PCLAF: variants seen among roughly 807,000 people sequenced by gnomAD.
PCLAF encodes PCNA-associated factor.
A neutral mutation model predicts 15.1 loss-of-function variants in PCLAF; 12 were observed. The ratio of observed to expected loss-of-function variants is 0.79; its 90% CI spans 0.51 to 1.29. PCLAF has a LOEUF of 1.29. Ranked by LOEUF, PCLAF falls within the 50% of genes most tolerant of loss-of-function variation. The pLI is 0.00. For synonymous variants in PCLAF, 33 were observed against 47.1 expected (o/e 0.70, Z 1.22); for missense variants, 116 against 130.9 (o/e 0.89, Z 0.56).
At chr15:64,377,491 ATATATATATATATATATATATATATATAT>A (rs1899655507) in intron 2 of PCLAF, among the ~76,000 whole-genome samples, 1 of 18,398 alleles carries the variant, frequency 5.4e-5, no homozygotes, top group Non-Finnish European at 1.0e-4. Flanking sequence ...AAAAAAAAAT[ATATATATATATATATATATATATATATAT>A]ATATATATAT....
exon 1 of PCLAF, chr15:64,387,507 G>C: frequency 7.7e-7 from 1 of 1,299,980 alleles, no homozygotes; most frequent in Middle Eastern, 2.1e-4. Context: ...CGATTAAAAA[G>C]CTGGCCTCTC....
Position 64,387,391 on chromosome 15 carries a change from AAATAAATTAATT to A in PCLAF, n.241+44_241+55del. 7.9e-6 allele frequency: 8 copies of A among 1,007,802 alleles called. 1 individual carries two copies. The South Asian group carries it at 1.6e-4, about 20-fold the overall frequency. 62.4% of individuals were successfully genotyped at this position (1,007,802 alleles called of 1,614,324 possible). A position where few individuals can be genotyped will look rare whatever the true frequency, so the allele number is the denominator to read the frequency against. On this transcript the variant is annotated intron_variant and non_coding_transcript_variant, in intron 1 of 1. Transcript: ENST00000558250. Reference sequence around the variant, plus strand: ...TGCGAGACTCCGTCTCAAAATAAATAAATAAATTAATTAATTAATTAAAAAATTAAAACCACC... The same window carrying A: ...TGCGAGACTCCGTCTCAAAATAAATAAATTAATTAAAAAATTAAAACCACC...
intron 3 of PCLAF, chr15:64,373,519 G>T: frequency 1.9e-6 from 2 of 1,078,924 alleles, no homozygotes; most frequent in Non-Finnish European, 2.4e-6. Flanking sequence ...GATGTAGAAG[G>T]GCAAGCAAGA....
chr15:64,376,161 G>A (rs748116817), intron 3 of PCLAF, among the ~76,000 whole-genome samples: 13 of 152,042 alleles, frequency 8.6e-5, no homozygotes, highest in Non-Finnish European at 1.6e-4. Context: ...GGAGGCGGAG[G>A]TTGCAGTGAG....
intron 2 of PCLAF, 120 bp from the exon 3 acceptor site, chr15:64,377,025 G>A: frequency 1.4e-6 from 1 of 728,498 alleles, no homozygotes; most frequent in Non-Finnish European, 2.2e-6. Flanking sequence ...CTTTATTTAA[G>A]ATATACAACT....
At chr15:64,385,748 A>T (rs947865504), upstream of PCLAF, among the ~76,000 whole-genome samples, 13 of 152,124 alleles carry the variant, frequency 8.5e-5, no homozygotes, top group Admixed American at 2.6e-4. Flanking sequence ...CAGTGGACTG[A>T]GTGGGGCAGA....
Position 64,376,903 on chromosome 15 carries a change from C to A in PCLAF, c.130G>T (p.Glu44Ter). The A allele has an allele frequency of 6.8e-6, 11 of 1,612,904 alleles. No individual in the cohort carries two copies. The highest frequency in any genetic ancestry group is 9.3e-6 in the Non-Finnish European group (11 of 1,179,462). Residue 44 changes from glutamate (E) to a stop codon, truncating the protein, a stop_gained and splice_region_variant, in exon 3 of 4, where the codon GAA (glutamate) becomes TAA (stop). Transcript: ENST00000300035. LOFTEE classifies it high-confidence loss of function. ...GGGTTCCCTCCTGCATATTTATTTT[C>A]AGCTGTAAAATATAAACAGATGGAA... ...NSTSVSSRKAENKYAGGNPVC... is the reference protein window; with the variant it reads ...NSTSVSSRKA
rs1898972128 is a variant in PCLAF at position 64,364,992 on chromosome 15, A to AAT, written c.*1036_*1037dup. The AAT allele has an allele frequency of 1.1e-5, 1 of 91,814 alleles. No individual in the cohort carries two copies. Among genetic ancestry groups the AAT allele is most frequent in the African/African-American group, 3.8e-5 (1 of 26,034 alleles). 5.7% of individuals were successfully genotyped at this position (91,814 alleles called of 1,614,324 possible). A position where few individuals can be genotyped will look rare whatever the true frequency, so the allele number is the denominator to read the frequency against. On this transcript the variant is annotated 3_prime_UTR_variant, in exon 4 of 4. Transcript: ENST00000300035. ...AGCCACTGCACTCAGCCTTTTTTAA[A>AAT]ATTTTTTTTTTTTTTTTTTTTGAGA...
chr15:64,384,098 C>T (rs1182983143), upstream of PCLAF, among the ~76,000 whole-genome samples: 5 of 152,230 alleles, frequency 3.3e-5, no homozygotes, highest in African/African-American at 1.2e-4. Flanking sequence ...AGAAAAGTTA[C>T]AGTATGTATC....
At chr15:64,373,587 C>T in intron 3 of PCLAF, 7 of 1,446,404 alleles carry the variant, frequency 4.8e-6, no homozygotes, top group South Asian at 1.5e-5. Context: ...GTGGTTTCGG[C>T]TGCAGTAGCT....
Position 64,381,437 on chromosome 15 carries a change from C to G in PCLAF, c.-66G>C, listed in dbSNP as rs898351044. On this transcript the variant is annotated 5_prime_UTR_variant, in exon 1 of 4. Transcript: ENST00000300035. ...TCCCAGCCGAGGGTGTTTCACTGGA[C>G]AAGGACCCGAAAACTATCCCGCCAC... The G allele has an allele frequency of 3.1e-6, 5 of 1,611,886 alleles. No individual in the cohort carries two copies. Among genetic ancestry groups the G allele is most frequent in the Non-Finnish European group, 4.2e-6 (5 of 1,178,764 alleles).
intron 3 of PCLAF, among the ~76,000 whole-genome samples, chr15:64,370,829 GT>G (rs10607183): frequency 0.042 from 3,596 of 85,712 alleles, 65 homozygotes; most frequent in Non-Finnish European, 0.053. Flanking sequence ...TCATAAAGTT[GT>G]TTTTTTTTTT....
At chr15:64,382,221 C>T (rs2140535066), upstream of PCLAF, among the ~76,000 whole-genome samples, 1 of 151,878 alleles carries the variant, frequency 6.6e-6, no homozygotes, top group Admixed American at 6.6e-5. Flanking sequence ...TGAAACCCGT[C>T]TCTACAAAAA....
chr15:64,366,028 T>G lies in PCLAF; in HGVS notation c.*2A>C. On this transcript the variant is annotated 3_prime_UTR_variant, in exon 4 of 4. Coordinates refer to ENST00000300035, the MANE Select transcript of PCLAF (RefSeq NM_014736.6). ...CGTTATTCAAAGATGAATGAGAAAG[T>G]TCTATTCTTTTTCATCATTTGTGTG... The G allele has an allele frequency of 6.2e-7, 1 of 1,607,226 alleles. No homozygotes were observed. The highest frequency in any genetic ancestry group is 1.1e-5 in the South Asian group (1 of 90,368).
chr15:64,376,373 TATTA>T (rs963958706), intron 3 of PCLAF, among the ~76,000 whole-genome samples: 8 of 152,282 alleles, frequency 5.3e-5, no homozygotes, highest in East Asian at 1.9e-4. Context: ...ATATTTTCTT[TATTA>T]ATTAATTAAT....
chr15:64,377,012 AATCTTTATTT>A, intron 2 of PCLAF, 107 bp from the exon 3 acceptor site: 1 of 840,642 alleles, frequency 1.2e-6, no homozygotes, highest in Non-Finnish European at 1.8e-6. Context: ...GGTATTAAAT[AATCTTTATTT>A]AAGATATACA....
chr15:64,384,903 C>A (rs1039419815), upstream of PCLAF, among the ~76,000 whole-genome samples: 1 of 151,848 alleles, frequency 6.6e-6, no homozygotes, highest in African/African-American at 2.4e-5. Context: ...GAAAAGAATG[C>A]CTTTTTCTTT....
rs575819041 is a variant in PCLAF, at chr15:64,381,204, C to A, written c.46+122G>T. ...TCTAGGTAAAGGGGCCAGGCGGCTACTCCCTGGCTAGCTAGATGAGTTTGG... is the reference window on the plus strand; with the variant it reads ...TCTAGGTAAAGGGGCCAGGCGGCTAATCCCTGGCTAGCTAGATGAGTTTGG... On this transcript the variant is annotated intron_variant, in intron 1 of 3. Coordinates refer to ENST00000300035, the MANE Select transcript of PCLAF (RefSeq NM_014736.6). 5 of 1,304,084 alleles carry A rather than the reference C, an allele frequency of 3.8e-6. No individual in the cohort carries two copies. The East Asian group carries it at 9.2e-5, about 24-fold the overall frequency. The allele number at this position is 1,304,084 out of a possible 1,614,324, so 80.8% of individuals were successfully genotyped here. A position where few individuals can be genotyped will look rare whatever the true frequency, so the allele number is the denominator to read the frequency against.
Position 64,364,691 on chromosome 15 carries a change from CT to C in PCLAF, c.*1338del, listed in dbSNP as rs35533498. 0.01 allele frequency: 1,381 copies of C among 132,736 alleles called. 19 individuals are homozygous for C. Among genetic ancestry groups the C allele is most frequent in the African/African-American group, 0.031 (1,187 of 38,282 alleles). 8.2% of individuals were successfully genotyped at this position (132,736 alleles called of 1,614,324 possible). A position where few individuals can be genotyped will look rare whatever the true frequency, so the allele number is the denominator to read the frequency against. On this transcript the variant is annotated 3_prime_UTR_variant, in exon 4 of 4. Transcript: ENST00000300035. ...AAATATATATTTTTTTCTTTTCTTT[CT>C]TTTTTTTTTTTTAAGACATTGTCTC... is the stretch of plus-strand genomic sequence containing the variant.
Sources: gnomAD v4.1 joint callset for allele counts (sites outside exome capture counted in the v4.1 genomes callset) on GRCh38, gnomAD v4.1.1 for gene constraint, MANE v1.5 for transcripts, NCBI Gene and HGNC (gene_info 2026-07-23, HGNC 2026-07-21) for gene names.